The following MBD5 variants were observed in gnomAD, a reference collection of about 807,000 sequenced individuals.
The protein encoded by MBD5 is methyl-CpG binding domain protein 5.
Under a neutral mutation model 117.3 loss-of-function variants are expected in MBD5, and 13 were observed. That is an observed-to-expected ratio of 0.11 (90% confidence interval 0.07 to 0.18). The LOEUF (loss-of-function observed/expected upper bound fraction) is 0.18, where lower values mean the gene tolerates loss of function less well. Among genes scored for constraint, MBD5 ranks in the 10% least tolerant of loss-of-function variants. The pLI, the probability that MBD5 is intolerant of heterozygous loss-of-function variation, is 1.00. For missense variants in MBD5, 1,879 were observed against 2,093.8 expected (o/e 0.90, Z 2.00); for synonymous variants, 727 against 766.4 (o/e 0.95, Z 0.85).
intron 3 of MBD5, among the ~76,000 whole-genome samples, chr2:148,321,308 T>TAA (rs34338782): frequency 6.8e-6 from 1 of 147,816 alleles, no homozygotes; most frequent in Non-Finnish European, 1.5e-5. Flanking sequence ...GCTGATGAAC[T>TAA]AAAAAAAAAA....
chr2:148,509,966 G>C, intron 12 of MBD5, 94 bp from the exon 13 acceptor site: 1 of 982,240 alleles, frequency 1.0e-6, no homozygotes, highest in Non-Finnish European at 1.6e-6. Context: ...GCTTTCTCTC[G>C]TGGAATTGGT....
intron 4 of MBD5, among the ~76,000 whole-genome samples, chr2:148,387,931 C>T (rs1209002936): frequency 6.6e-6 from 1 of 152,050 alleles, no homozygotes; most frequent in Non-Finnish European, 1.5e-5. Flanking sequence ...CAAATTGATT[C>T]ATAAATTAAT....
Position 148,490,363 on chromosome 2 carries a change from C to T in MBD5, c.4731C>T (p.Ser1577=), listed in dbSNP as rs777735514. ...ACAATGGAGACTTTAATGCCAAAAG[C>T]GTTAATGGGTGTGTGCCTAGCCCTT... The part of the protein sequence containing the change: ...IHYNGDFNAK[S]VNGCVPSPSD... The change falls in exon 11 of 14, where the codon AGC becomes AGT. Residue 1577 remains serine, a synonymous_variant. Coordinates refer to ENST00000642680, the MANE Select transcript of MBD5 (RefSeq NM_001378120.1). 3.1e-5 allele frequency: 50 copies of T among 1,614,032 alleles called. No individual in the cohort carries two copies. The Admixed American group carries it at 6.5e-4, about 21-fold the overall frequency.
At position 148,510,051 on chromosome 2, in the gene MBD5, TA is replaced by T. The variant is rs1462127635; in HGVS notation, c.5037-7del. The stretch of plus-strand genomic sequence containing the variant: ...TTTTAATCTGGTGTGTTGTTTTCAT[TA>T]ATTCCAGAAGTGGAAAGCTAAATAA... On this transcript the variant is annotated splice_polypyrimidine_tract_variant and splice_region_variant and intron_variant, in intron 12 of 13. Transcript: ENST00000642680. The T allele has an allele frequency of 3.1e-6, 5 of 1,598,228 alleles. No homozygotes were observed. Among genetic ancestry groups the T allele is most frequent in the Non-Finnish European group, 4.3e-6 (5 of 1,165,964 alleles).
chr2:148,071,704 G>T (rs898269586), intron 1 of MBD5: 1 of 151,956 alleles, frequency 6.6e-6, no homozygotes, highest in Non-Finnish European at 1.5e-5. Flanking sequence ...AGTTTTCTCC[G>T]GCTTCCCTCT....
intron 3 of MBD5, among the ~76,000 whole-genome samples, chr2:148,319,980 T>C (rs1238030006): frequency 2.0e-5 from 3 of 152,242 alleles, no homozygotes; most frequent in Non-Finnish European, 4.4e-5. Context: ...CTGAATTTTA[T>C]TGAATGCCTT....
chr2:148,101,626 G>A (rs943646964), intron 1 of MBD5, among the ~76,000 whole-genome samples: 3 of 152,082 alleles, frequency 2.0e-5, no homozygotes, highest in East Asian at 1.9e-4. Context: ...AGTAGAGGAC[G>A]TTCAGTACTA....
chr2:148,456,345 A>G (rs1706882951), intron 4 of MBD5, among the ~76,000 whole-genome samples: 1 of 152,136 alleles, frequency 6.6e-6, no homozygotes, highest in South Asian at 2.1e-4. Flanking sequence ...GCCTAATGCC[A>G]TTCATGATGG....
intron 1 of MBD5, among the ~76,000 whole-genome samples, chr2:148,164,376 G>T (rs536861979): frequency 5.3e-5 from 8 of 152,208 alleles, no homozygotes; most frequent in African/African-American, 1.4e-4. Flanking sequence ...TAGGGTATAT[G>T]GAGGTGTCTT....
intron 1 of MBD5, among the ~76,000 whole-genome samples, chr2:148,177,398 C>T (rs1457272681): frequency 1.3e-5 from 2 of 152,242 alleles, no homozygotes; most frequent in African/African-American, 2.4e-5. Context: ...TACTTTGGTC[C>T]TTAAGTGCAT....
intron 3 of MBD5, among the ~76,000 whole-genome samples, chr2:148,341,280 C>A (rs1223642440): frequency 6.6e-6 from 1 of 151,278 alleles, no homozygotes; most frequent in Non-Finnish European, 1.5e-5. Context: ...ATACATCAGG[C>A]TGCTTAAATG....
intron 4 of MBD5, among the ~76,000 whole-genome samples, chr2:148,403,057 G>T (rs1016555869): frequency 5.3e-5 from 8 of 151,740 alleles, no homozygotes; most frequent in African/African-American, 1.9e-4. Flanking sequence ...CTCATCTAGT[G>T]TATTTTTATC....
chr2:148,340,741 T>A (rs936247777), intron 3 of MBD5, among the ~76,000 whole-genome samples: 1 of 151,916 alleles, frequency 6.6e-6, no homozygotes, highest in South Asian at 2.1e-4. Flanking sequence ...TTATTTGAGA[T>A]GTTAACAGAC....
chr2:148,216,085 G>T (rs1699547833), intron 2 of MBD5, among the ~76,000 whole-genome samples: 1 of 152,108 alleles, frequency 6.6e-6, no homozygotes, highest in South Asian at 2.1e-4. Context: ...GGTATTTTCT[G>T]GGGAAATACT....
intron 1 of MBD5, among the ~76,000 whole-genome samples, chr2:148,144,146 G>C (rs1379221873): frequency 2.0e-5 from 3 of 151,996 alleles, no homozygotes; most frequent in Non-Finnish European, 4.4e-5. Flanking sequence ...ATTCTAACTG[G>C]TGTGAGATGG....
chr2:148,329,048 T>C (rs1702559464), intron 3 of MBD5, among the ~76,000 whole-genome samples: 1 of 152,224 alleles, frequency 6.6e-6, no homozygotes, highest in Admixed American at 6.5e-5. Flanking sequence ...TTTGCATTAT[T>C]ACATTCACTG....
intron 3 of MBD5, among the ~76,000 whole-genome samples, chr2:148,266,443 A>G (rs1700862637): frequency 6.6e-6 from 1 of 152,086 alleles, no homozygotes; most frequent in African/African-American, 2.4e-5. Context: ...TTTTAAGAAT[A>G]GCAAGCATGC....
Position 148,457,395 on chromosome 2 carries a change from A to G in MBD5, c.-556-808A>G, listed in dbSNP as rs918893420. 3.9e-5 allele frequency among the ~76,000 whole-genome samples: 6 copies of G among 152,160 alleles called. No homozygotes were observed. In the South Asian group the frequency reaches 1.2e-3, roughly 31 times the overall value. ...AAAAGGCTTCTTTACAAAAACAAAT[A>G]ATACTAACAAATGTGAAGTTGCATT... On this transcript the variant is annotated intron_variant, in intron 4 of 13. Transcript: ENST00000642680.
chr2:148,037,807 T>C (rs1162220660), intron 1 of MBD5, among the ~76,000 whole-genome samples: 1 of 151,980 alleles, frequency 6.6e-6, no homozygotes, highest in African/African-American at 2.4e-5. Context: ...GTACTTACTG[T>C]ATGCCAGTTA....
Sources: gnomAD v4.1 joint callset for allele counts (sites outside exome capture counted in the v4.1 genomes callset) on GRCh38, gnomAD v4.1.1 for gene constraint, MANE v1.5 for transcripts, NCBI Gene and HGNC (gene_info 2026-07-23, HGNC 2026-07-21) for gene names.